TBXAS1: variants seen among roughly 807,000 people sequenced by gnomAD.
TBXAS1 encodes the protein thromboxane-A synthase.
In TBXAS1, 48 loss-of-function variants were observed where a neutral mutation model predicts 60.7. That is an observed-to-expected ratio of 0.79 (90% CI 0.63 to 1.01). The LOEUF (loss-of-function observed/expected upper bound fraction) is 1.01. Among genes scored for constraint, TBXAS1 ranks in the 50% least tolerant of loss-of-function variants. The probability of loss-of-function intolerance (pLI) is 0.00; values close to 1 mark genes in which losing one functional copy is unlikely to be tolerated. For synonymous variants in TBXAS1, 287 were observed against 269.7 expected, an observed-to-expected ratio of 1.06 and a Z score of -0.63; for missense variants, 685 against 686.3, an observed-to-expected ratio of 1.00 and a Z score of 0.02.
At chr7:139,972,780 A>G (rs1403825178) in intron 9 of TBXAS1, among the ~76,000 whole-genome samples, 2 of 152,296 alleles carry the variant, frequency 1.3e-5, no homozygotes, top group East Asian at 3.9e-4. Context: ...ATCAAGTCCC[A>G]GCCAGGATGT....
chr7:139,906,104 G>A, intron 3 of TBXAS1: 1 of 396,104 alleles, frequency 2.5e-6, no homozygotes, highest in Admixed American at 3.3e-5. Context: ...CTCCCAGTCT[G>A]TAGTGCAGTG....
chr7:139,995,344 C>T (rs1031320494), intron 9 of TBXAS1, among the ~76,000 whole-genome samples: 2 of 152,160 alleles, frequency 1.3e-5, no homozygotes, highest in African/African-American at 2.4e-5. Flanking sequence ...AAATCATCAA[C>T]AAGATGCACA....
chr7:139,962,001 G>A lies in TBXAS1; in HGVS notation c.902G>A (p.Arg301Lys), dbSNP rs1310612979. The A allele has an allele frequency of 6.2e-7, 1 of 1,614,234 alleles. No individual in the cohort carries two copies. The highest frequency in any genetic ancestry group is 1.7e-5 in the Admixed American group (1 of 60,018). The change falls in exon 9 of 13, where the codon AGA (arginine) becomes AAA (lysine). Residue 301 changes from arginine to lysine, a missense_variant. By Grantham distance (26) the Arg-to-Lys change is conservative. Transcript: ENST00000448866. ...PMGVQDFDIV[R>K]DVFSSTGCKP... is the part of the protein sequence containing the mutation. ...GGCGTGCAAGACTTTGACATCGTCAGAGACGTTTTCTCCTCTACTGGGTGC... is the reference window on the plus strand; with the variant it reads ...GGCGTGCAAGACTTTGACATCGTCAAAGACGTTTTCTCCTCTACTGGGTGC...
chr7:140,015,635 C>T (rs780325579), intron 10 of TBXAS1, 88 bp from the exon 11 acceptor site: 10 of 1,478,840 alleles, frequency 6.8e-6, no homozygotes, highest in Non-Finnish European at 8.4e-6. Flanking sequence ...TGATCCCCTT[C>T]ACACTCAGAC....
chr7:139,802,854 T>C (rs932193183), intron 4 of TBXAS1, among the ~76,000 whole-genome samples: 1 of 152,178 alleles, frequency 6.6e-6, no homozygotes, highest in Non-Finnish European at 1.5e-5. Context: ...GCAGTTCCCC[T>C]GCACATGCTC....
At chr7:139,890,996 C>T (rs1803560098) in intron 3 of TBXAS1, among the ~76,000 whole-genome samples, 1 of 151,864 alleles carries the variant, frequency 6.6e-6, no homozygotes, top group East Asian at 1.9e-4. Context: ...CATTCTATTC[C>T]TTAGTTTTTT....
intron 3 of TBXAS1, among the ~76,000 whole-genome samples, chr7:139,909,453 T>C (rs879708661): frequency 2.0e-5 from 3 of 152,234 alleles, no homozygotes; most frequent in Non-Finnish European, 4.4e-5. Flanking sequence ...TGTTTTTTGT[T>C]TTCTTGGTTA....
chr7:139,938,028 T>C (rs1282844044), intron 5 of TBXAS1, among the ~76,000 whole-genome samples: 3 of 152,138 alleles, frequency 2.0e-5, no homozygotes, highest in African/African-American at 7.2e-5. Flanking sequence ...AATAAAATTT[T>C]CTCTTATCTT....
chr7:139,847,725 G>A (rs887201636), intron 1 of TBXAS1, among the ~76,000 whole-genome samples: 2 of 152,146 alleles, frequency 1.3e-5, no homozygotes, highest in African/African-American at 2.4e-5. Context: ...CTACTGAAAC[G>A]GCTTTCTTCA....
At chr7:139,984,851 A>AAGAAAGAAAGAAGAAAG (rs1812301974) in intron 9 of TBXAS1, among the ~76,000 whole-genome samples, 1 of 150,054 alleles carries the variant, frequency 6.7e-6, no homozygotes, top group Admixed American at 6.6e-5. Context: ...AAGGAAGGAA[A>AAGAAAGAAAGAAGAAAG]AGAAAGAAAG....
intron 9 of TBXAS1, among the ~76,000 whole-genome samples, chr7:139,979,969 T>C (rs1015695348): frequency 1.3e-5 from 2 of 151,916 alleles, no homozygotes; most frequent in Non-Finnish European, 2.9e-5. Context: ...TATCAGGAAT[T>C]CCTCTATTTA....
rs1303884687 is a variant in TBXAS1, at chr7:139,986,783, G to A, written c.1135-20308G>A. Among the ~76,000 whole-genome samples, 8 of 50,658 alleles carry A rather than the reference G, an allele frequency of 1.6e-4. No homozygotes were observed. In the Admixed American group the frequency reaches 2.2e-3, roughly 14 times the overall value. The allele number at this position is 50,658 out of a possible 152,430, so 33.2% of individuals were successfully genotyped here. On this transcript the variant is annotated intron_variant, in intron 9 of 12. Coordinates refer to ENST00000448866, the MANE Select transcript of TBXAS1 (RefSeq NM_001061.7). Reference sequence around the variant, plus strand: ...TGTGTGTGTGTGTGTGTGTGTGTGTGTGTGTGTGTGTGTGTGTATATATAT... The same window carrying A: ...TGTGTGTGTGTGTGTGTGTGTGTGTATGTGTGTGTGTGTGTGTATATATAT...
chr7:139,835,151 C>T (rs1195595491), intron 1 of TBXAS1, among the ~76,000 whole-genome samples: 2 of 150,914 alleles, frequency 1.3e-5, no homozygotes, highest in Non-Finnish European at 2.9e-5. Flanking sequence ...ACTGCAAGCT[C>T]TGCCTCCCGG....
At chr7:139,859,307 C>G (rs930308172) in intron 1 of TBXAS1, among the ~76,000 whole-genome samples, 1 of 151,050 alleles carries the variant, frequency 6.6e-6, no homozygotes, top group African/African-American at 2.4e-5. Flanking sequence ...CCCGGGTTCA[C>G]ACCATTCTTC....
At chr7:139,946,078 A>G (rs982729036) in intron 5 of TBXAS1, among the ~76,000 whole-genome samples, 3 of 152,196 alleles carry the variant, frequency 2.0e-5, no homozygotes, top group African/African-American at 7.2e-5. Flanking sequence ...CATGCCTGTA[A>G]TCCCAGAACT....
At chr7:139,839,694 A>AC (rs1799301149) in intron 1 of TBXAS1, among the ~76,000 whole-genome samples, 1 of 149,484 alleles carries the variant, frequency 6.7e-6, no homozygotes, top group Non-Finnish European at 1.5e-5. Context: ...AAAAAAAAAA[A>AC]ACAAATCAAA....
At chr7:139,939,494 GTTCAA>G (rs1808100168) in intron 5 of TBXAS1, among the ~76,000 whole-genome samples, 1 of 150,276 alleles carries the variant, frequency 6.7e-6, no homozygotes, top group African/African-American at 2.5e-5. Context: ...ACTCCATATA[GTTCAA>G]TTTAGGTTCT....
In TBXAS1 at chr7:139,962,049, A is replaced by G; in HGVS notation, c.950A>G (p.His317Arg). 2 of 1,614,188 alleles carry G rather than the reference A, an allele frequency of 1.2e-6. No individual in the cohort carries two copies. The highest frequency in any genetic ancestry group is 1.7e-6 in the Non-Finnish European group (2 of 1,180,034). ...TGCAAGCCGAACCCTTCCCGGCAAC[A>G]CCAGCCCAGCCCTATGGCCAGGCCT... ...TGCKPNPSRQ[H>R]QPSPMARPLT... is the part of the protein sequence containing the mutation. The change falls in exon 9 of 13, where the codon CAC (histidine) becomes CGC (arginine). Residue 317 changes from histidine (H) to arginine (R), a missense_variant. Coordinates refer to ENST00000448866, the MANE Select transcript of TBXAS1 (RefSeq NM_001061.7).
intron 4 of TBXAS1, among the ~76,000 whole-genome samples, chr7:139,918,372 A>T (rs1806168822): frequency 1.3e-5 from 2 of 152,194 alleles, no homozygotes; most frequent in Admixed American, 6.5e-5. Context: ...CGTCCCATAG[A>T]GCCACTTGGA....
Sources: gnomAD v4.1 joint callset for allele counts (sites outside exome capture counted in the v4.1 genomes callset) on GRCh38, gnomAD v4.1.1 for gene constraint, MANE v1.5 for transcripts, NCBI Gene and HGNC (gene_info 2026-07-23, HGNC 2026-07-21) for gene names.